The following KCNIP4 variants were observed in gnomAD, a reference collection of about 807,000 sequenced individuals.
KCNIP4 encodes potassium voltage-gated channel interacting protein 4, also known as Kv channel-interacting protein 4.
Under a neutral mutation model 34.0 loss-of-function variants are expected in KCNIP4, and 12 were observed. The ratio of observed to expected loss-of-function variants is 0.35; its 90% CI spans 0.23 to 0.57. The LOEUF (loss-of-function observed/expected upper bound fraction) is 0.57, where lower values mean the gene tolerates loss of function less well. KCNIP4 is among the 20% of genes least tolerant of loss of function. KCNIP4 has a pLI of 0.83. For synonymous variants in KCNIP4, 124 were observed against 102.2 expected, an observed-to-expected ratio of 1.21 and a Z score of -1.29; for missense variants, 238 against 311.7, an observed-to-expected ratio of 0.76 and a Z score of 1.78.
intron 2 of KCNIP4, among the ~76,000 whole-genome samples, chr4:20,856,243 T>G (rs1045779770): frequency 1.3e-5 from 2 of 152,338 alleles, no homozygotes; most frequent in Admixed American, 6.5e-5. Flanking sequence ...AGAAAGCCTG[T>G]GCTTTCTTGA....
intron 1 of KCNIP4, among the ~76,000 whole-genome samples, chr4:21,071,495 T>C (rs1456802383): frequency 6.6e-6 from 1 of 152,196 alleles, no homozygotes; most frequent in Non-Finnish European, 1.5e-5. Flanking sequence ...ATACTAAGTT[T>C]TGAAGTCATG....
At chr4:21,500,317 A>G (rs1322357059) in intron 1 of KCNIP4, among the ~76,000 whole-genome samples, 3 of 152,072 alleles carry the variant, frequency 2.0e-5, no homozygotes, top group African/African-American at 7.2e-5. Flanking sequence ...CTGGGTTTTT[A>G]TAGGTGAGAG....
At chr4:21,615,746 A>C (rs1744551363) in intron 1 of KCNIP4, among the ~76,000 whole-genome samples, 6 of 152,120 alleles carry the variant, frequency 3.9e-5, no homozygotes, top group Admixed American at 3.9e-4. Flanking sequence ...TTGAGAAGGC[A>C]AAAGTCTAGG....
intron 1 of KCNIP4, among the ~76,000 whole-genome samples, chr4:21,198,304 T>G (rs1050236736): frequency 2.0e-5 from 3 of 152,202 alleles, no homozygotes; most frequent in Non-Finnish European, 2.9e-5. Flanking sequence ...CTAGAGCCAC[T>G]GCTAGCATTA....
intron 1 of KCNIP4, among the ~76,000 whole-genome samples, chr4:21,209,553 T>G (rs1370493340): frequency 1.3e-5 from 2 of 152,146 alleles, no homozygotes; most frequent in Non-Finnish European, 2.9e-5. Flanking sequence ...ATATTGATAT[T>G]CTGTCATTTA....
chr4:21,186,594 C>T (rs965617677), intron 1 of KCNIP4, among the ~76,000 whole-genome samples: 5 of 152,168 alleles, frequency 3.3e-5, no homozygotes, highest in South Asian at 2.1e-4. Flanking sequence ...ATCACTTATG[C>T]ATTTAAAGAA....
At chr4:21,667,476 G>A (rs76489821) in intron 1 of KCNIP4, among the ~76,000 whole-genome samples, 1,609 of 152,294 alleles carry the variant, frequency 0.011, 25 homozygotes, top group Admixed American at 0.019. Context: ...ACAGAGCCAG[G>A]AATAGAAAGC....
At chr4:21,494,762 G>A (rs112650440) in intron 1 of KCNIP4, among the ~76,000 whole-genome samples, 30,875 of 141,184 alleles carry the variant, frequency 0.22, 3,595 homozygotes, top group Non-Finnish European at 0.28. Flanking sequence ...GGGCAACAGA[G>A]TCAGACTGTG....
At chr4:20,777,182 G>A (rs528923368) in intron 3 of KCNIP4, among the ~76,000 whole-genome samples, 2 of 152,286 alleles carry the variant, frequency 1.3e-5, no homozygotes, top group Admixed American at 1.3e-4. Context: ...AGGGCAGAAA[G>A]GGAAGAAAAC....
At chr4:21,268,933 A>C (rs1545915) in intron 1 of KCNIP4, among the ~76,000 whole-genome samples, 39,007 of 152,142 alleles carry the variant, frequency 0.26, 5,180 homozygotes, top group South Asian at 0.35. Flanking sequence ...GAGGAGCTAC[A>C]TCTGCAAATG....
intron 2 of KCNIP4, among the ~76,000 whole-genome samples, chr4:20,872,111 A>G (rs1723536435): frequency 6.6e-6 from 1 of 152,154 alleles, no homozygotes; most frequent in South Asian, 2.1e-4. Context: ...CACCTAAAGC[A>G]TTAGTTTCAC....
At chr4:21,239,320 G>A (rs1236600448) in intron 1 of KCNIP4, among the ~76,000 whole-genome samples, 1 of 148,556 alleles carries the variant, frequency 6.7e-6, no homozygotes. Flanking sequence ...CATGGGCAAG[G>A]ACTTCATGTC....
intron 1 of KCNIP4, among the ~76,000 whole-genome samples, chr4:21,136,819 C>G (rs1041297552): frequency 6.6e-6 from 1 of 152,146 alleles, no homozygotes; most frequent in Admixed American, 6.5e-5. Context: ...TCAGGACAAA[C>G]TATTAATTTC....
rs1159795838 is a variant in KCNIP4, at chr4:21,915,857, T to C, written c.61+32714A>G. 4.1e-5 allele frequency among the ~76,000 whole-genome samples: 6 copies of C among 147,176 alleles called. No individual in the cohort carries two copies. In the East Asian group the frequency reaches 1.4e-3, roughly 34 times the overall value. Reference sequence around the variant, plus strand: ...CTAATGGTGCTCTCCACCATATTAATGATGTGTCTTCCATGGCCCTTTCTG... The same window carrying C: ...CTAATGGTGCTCTCCACCATATTAACGATGTGTCTTCCATGGCCCTTTCTG... On this transcript the variant is annotated intron_variant, in intron 1 of 8. Coordinates refer to ENST00000382152, the MANE Select transcript of KCNIP4 (RefSeq NM_025221.6).
chr4:21,323,511 C>T (rs149050144), intron 1 of KCNIP4, among the ~76,000 whole-genome samples: 57 of 151,906 alleles, frequency 3.8e-4, no homozygotes, highest in African/African-American at 1.2e-3. Flanking sequence ...TGTGAACATG[C>T]GAAGTTTGTC....
intron 3 of KCNIP4, among the ~76,000 whole-genome samples, chr4:20,805,570 C>T (rs1354638248): frequency 6.6e-6 from 1 of 152,082 alleles, no homozygotes; most frequent in Admixed American, 6.6e-5. Context: ...AAACTTTCTG[C>T]TACATTCAGC....
intron 1 of KCNIP4, among the ~76,000 whole-genome samples, chr4:21,912,740 A>G (rs952819161): frequency 1.5e-4 from 23 of 151,880 alleles, no homozygotes; most frequent in Non-Finnish European, 1.0e-4. Flanking sequence ...TTAACAGAGA[A>G]AGCAAAGAGT....
chr4:20,733,519 C>G (rs1748858597), intron 6 of KCNIP4, among the ~76,000 whole-genome samples: 2 of 151,898 alleles, frequency 1.3e-5, no homozygotes, highest in South Asian at 4.2e-4. Flanking sequence ...TAAGAGTATT[C>G]AATTATAAAT....
intron 1 of KCNIP4, among the ~76,000 whole-genome samples, chr4:21,513,225 T>C (rs1461631106): frequency 6.6e-6 from 1 of 152,218 alleles, no homozygotes; most frequent in Non-Finnish European, 1.5e-5. Flanking sequence ...CATTGTATGA[T>C]ATGAGAACAA....
Sources: allele counts gnomAD v4.1 joint callset (sites outside exome capture counted in the v4.1 genomes callset), GRCh38; gene constraint gnomAD v4.1.1; transcripts MANE v1.5; gene names NCBI Gene and HGNC (gene_info 2026-07-23, HGNC 2026-07-21).